Variants in EPHB2 observed in about 807,000 individuals in gnomAD.
The protein encoded by EPHB2 is ephrin type-B receptor 2.
EPHB2 carries 18 observed loss-of-function variants against 96.4 expected under a neutral mutation model. The observed-to-expected ratio is 0.19, with a 90% CI of 0.13 to 0.28. The LOEUF (loss-of-function observed/expected upper bound fraction) is 0.28, where lower values mean the gene tolerates loss of function less well. Ranked by LOEUF, EPHB2 falls within the 10% of genes least tolerant of loss-of-function variation. The pLI, the probability that EPHB2 is intolerant of heterozygous loss-of-function variation, is 1.00. For missense variants in EPHB2, 989 were observed against 1,355.4 expected (o/e 0.73, Z 4.25); for synonymous variants, 506 against 534.1 (o/e 0.95, Z 0.72).
intron 5 of EPHB2, among the ~76,000 whole-genome samples, chr1:22,880,297 ACTC>A (rs1470190901): frequency 6.6e-6 from 1 of 150,726 alleles, no homozygotes; most frequent in Non-Finnish European, 1.5e-5. Flanking sequence ...GTTCCCCTGA[ACTC>A]CTACCAGGCC....
intron 1 of EPHB2, among the ~76,000 whole-genome samples, chr1:22,717,149 C>T (rs1294290679): frequency 6.6e-6 from 1 of 152,166 alleles, no homozygotes; most frequent in Non-Finnish European, 1.5e-5. Flanking sequence ...TAGCGCCCAC[C>T]AGCCCTGGCT....
chr1:22,831,789 C>G (rs1005388775), intron 3 of EPHB2, among the ~76,000 whole-genome samples: 10 of 152,106 alleles, frequency 6.6e-5, no homozygotes, highest in African/African-American at 2.2e-4. Context: ...AATGTTGACA[C>G]CCTCCCCTTG....
At chr1:22,910,339 C>T in intron 13 of EPHB2, 43 bp from the exon 14 acceptor site, 1 of 1,610,784 alleles carries the variant, frequency 6.2e-7, no homozygotes, top group Non-Finnish European at 8.5e-7. Flanking sequence ...TAGACGCCCT[C>T]AGCCCATCCA....
At chr1:22,837,980 T>C (rs1246616454) in intron 3 of EPHB2, among the ~76,000 whole-genome samples, 1 of 152,228 alleles carries the variant, frequency 6.6e-6, no homozygotes, top group Non-Finnish European at 1.5e-5. Context: ...TAGGGGAGCT[T>C]GGCTCCTATT....
At chr1:22,830,431 G>A (rs887894450) in intron 3 of EPHB2, among the ~76,000 whole-genome samples, 2 of 152,286 alleles carry the variant, frequency 1.3e-5, no homozygotes, top group African/African-American at 2.4e-5. Flanking sequence ...TGAGTACACT[G>A]GGCAAGTGAT....
intron 3 of EPHB2, among the ~76,000 whole-genome samples, chr1:22,808,000 G>A (rs1465661704): frequency 2.6e-5 from 4 of 152,136 alleles, no homozygotes; most frequent in African/African-American, 9.7e-5. Flanking sequence ...TGGGCATGGT[G>A]GCGTATGCCT....
intron 1 of EPHB2, among the ~76,000 whole-genome samples, chr1:22,734,858 G>T (rs1043440854): frequency 3.3e-5 from 5 of 152,128 alleles, no homozygotes; most frequent in African/African-American, 9.7e-5. Context: ...AAAATTCAGG[G>T]GACTTACAGA....
chr1:22,809,747 G>A (rs1644977597), intron 3 of EPHB2, among the ~76,000 whole-genome samples: 1 of 152,192 alleles, frequency 6.6e-6, no homozygotes, highest in African/African-American at 2.4e-5. Flanking sequence ...ATTGTATGTA[G>A]CACTGTATTA....
intron 11 of EPHB2, 68 bp downstream of exon 11, chr1:22,907,025 A>T: frequency 6.5e-7 from 1 of 1,526,876 alleles, no homozygotes; most frequent in Non-Finnish European, 8.8e-7. Flanking sequence ...ACATAGCTTC[A>T]TACTGTCAGA....
intron 1 of EPHB2, among the ~76,000 whole-genome samples, chr1:22,718,040 C>T (rs147180921): frequency 3.9e-4 from 60 of 152,272 alleles, no homozygotes; most frequent in Middle Eastern, 3.4e-3. Context: ...TAAATGTGAA[C>T]GGTTGCTATC....
chr1:22,891,140 G>T (rs553687226), intron 6 of EPHB2: 1 of 456,030 alleles, frequency 2.2e-6, no homozygotes, highest in Admixed American at 2.3e-5. Context: ...TGAAGACACA[G>T]AGAAGTTAAG....
intron 3 of EPHB2, among the ~76,000 whole-genome samples, chr1:22,816,561 C>T (rs1421110131): frequency 1.3e-5 from 2 of 152,176 alleles, no homozygotes; most frequent in African/African-American, 2.4e-5. Flanking sequence ...CCATCTCTGC[C>T]GTTCCCCCTG....
In EPHB2 at chr1:22,913,347, CCCCAGTA is replaced by C; in HGVS notation, c.2853-113_2853-107del. The stretch of plus-strand genomic sequence containing the variant: ...GCCTGCCCACTCCCCACTCCCCACT[CCCCAGTA>C]CTCCTTGCTTTGCCATCTTCCTCCC... On this transcript the variant is annotated intron_variant, in intron 15 of 15. Transcript: ENST00000374630. This position sits in a 1 kb window ranked among gnomAD's most constrained non-coding sequence, Gnocchi z 4.1. The C allele has an allele frequency of 7.2e-7, 1 of 1,384,202 alleles. No individual in the cohort carries two copies. The highest frequency in any genetic ancestry group is 1.0e-6 in the Non-Finnish European group (1 of 997,030). The allele number at this position is 1,384,202 out of a possible 1,614,324, so 85.7% of individuals were successfully genotyped here. A position where few individuals can be genotyped will look rare whatever the true frequency, so the allele number is the denominator to read the frequency against.
At chr1:22,760,756 G>A (rs1232583237) in intron 1 of EPHB2, among the ~76,000 whole-genome samples, 1 of 152,158 alleles carries the variant, frequency 6.6e-6, no homozygotes, top group Non-Finnish European at 1.5e-5. Flanking sequence ...TGCTCCAGGG[G>A]CCTCCCCATC....
chr1:22,730,189 A>G (rs769405070), intron 1 of EPHB2, among the ~76,000 whole-genome samples: 19 of 152,200 alleles, frequency 1.2e-4, no homozygotes, highest in Admixed American at 1.0e-3. Flanking sequence ...GTTCTCCTGG[A>G]TGGACAGATG....
At chr1:22,863,292 G>T in intron 4 of EPHB2, 100 bp downstream of exon 4, 1 of 1,572,918 alleles carries the variant, frequency 6.4e-7, no homozygotes, top group Non-Finnish European at 8.7e-7. Flanking sequence ...GTTACAGCCA[G>T]TCTTTCCCTG....
chr1:22,847,264 G>C (rs1645557235), intron 3 of EPHB2, among the ~76,000 whole-genome samples: 1 of 152,192 alleles, frequency 6.6e-6, no homozygotes, highest in Admixed American at 6.5e-5. Context: ...GACAGTTTGA[G>C]GAGCTTGCCC....
At chr1:22,762,543 G>C (rs1644249372) in intron 1 of EPHB2, among the ~76,000 whole-genome samples, 1 of 152,090 alleles carries the variant, frequency 6.6e-6, no homozygotes, top group Non-Finnish European at 1.5e-5. Context: ...GGGGTGGTGT[G>C]TGAGTGGGCT....
chr1:22,785,489 G>C (rs1644598355), intron 3 of EPHB2, among the ~76,000 whole-genome samples: 3 of 152,182 alleles, frequency 2.0e-5, no homozygotes, highest in Admixed American at 2.0e-4. Context: ...TGTCAGTATA[G>C]ACCAGACAAT....
Sources: allele counts gnomAD v4.1 joint callset (sites outside exome capture counted in the v4.1 genomes callset), GRCh38; gene constraint gnomAD v4.1.1; non-coding constraint Gnocchi (gnomAD v3.1); transcripts MANE v1.5; gene names NCBI Gene and HGNC (gene_info 2026-07-23, HGNC 2026-07-21).